ABCB5: variants seen among roughly 807,000 people sequenced by gnomAD.
ABCB5 encodes the protein ATP binding cassette subfamily B member 5.
In ABCB5, 155 loss-of-function variants were observed where a neutral mutation model predicts 144.2. The ratio of observed to expected loss-of-function variants is 1.08; its 90% CI spans 0.94 to 1.23. The LOEUF is 1.23. Among genes scored for constraint, ABCB5 ranks in the 50% most tolerant of loss-of-function variants. ABCB5 has a pLI of 0.00. For missense variants in ABCB5, 1,830 were observed against 1,520.8 expected (o/e 1.20, Z -3.38); for synonymous variants, 610 against 528.6 (o/e 1.15, Z -2.11).
intron 1 of ABCB5, among the ~76,000 whole-genome samples, chr7:20,622,980 T>G (rs1166106173): frequency 1.3e-5 from 2 of 152,276 alleles, no homozygotes; most frequent in Non-Finnish European, 2.9e-5. Flanking sequence ...ACAGTGCATT[T>G]TCCGTGGAAT....
chr7:20,622,172 G>A (rs1028271281), intron 1 of ABCB5, among the ~76,000 whole-genome samples: 2 of 152,104 alleles, frequency 1.3e-5, no homozygotes, highest in Non-Finnish European at 2.9e-5. Flanking sequence ...TTACCAAGGC[G>A]AGGCTTAATT....
intron 20 of ABCB5, among the ~76,000 whole-genome samples, chr7:20,715,274 G>C (rs1781632743): frequency 6.6e-6 from 1 of 152,172 alleles, no homozygotes; most frequent in Non-Finnish European, 1.5e-5. Flanking sequence ...TTGAACTCCT[G>C]ACCTCAGGTG....
rs189228389 is a variant in ABCB5 at position 20,740,001 on chromosome 7, G to T, written c.3024+862G>T. On this transcript the variant is annotated intron_variant, in intron 24 of 27. Coordinates refer to ENST00000404938, the MANE Select transcript of ABCB5 (RefSeq NM_001163941.2). ...AATCCCAGCACTTTGGGAGGCCGAG[G>T]TGGGTGGATCACGAGGTCAGGAGAT... Among the ~76,000 whole-genome samples, 1,084 of 152,252 alleles carry T rather than the reference G, an allele frequency of 7.1e-3. 15 individuals carry two copies. The highest frequency in any genetic ancestry group is 0.024 in the African/African-American group (1,005 of 41,534).
chr7:20,752,649 C>T (rs372889541), intron 26 of ABCB5, among the ~76,000 whole-genome samples: 52 of 152,278 alleles, frequency 3.4e-4, no homozygotes, highest in African/African-American at 1.2e-3. Flanking sequence ...GAATTCATGA[C>T]CAGCCTGGCC....
At chr7:20,734,265 G>A (rs1268665498) in intron 23 of ABCB5, among the ~76,000 whole-genome samples, 1 of 151,576 alleles carries the variant, frequency 6.6e-6, no homozygotes, top group Non-Finnish European at 1.5e-5. Context: ...CAATCTCATC[G>A]ACTAGCTAAA....
intron 20 of ABCB5, among the ~76,000 whole-genome samples, chr7:20,717,522 A>G (rs928986772): frequency 1.3e-5 from 2 of 149,310 alleles, no homozygotes; most frequent in Non-Finnish European, 3.0e-5. Context: ...GGCTCACTGC[A>G]ACCTCCGCCT....
chr7:20,687,438 A>C (rs777873430), intron 16 of ABCB5, among the ~76,000 whole-genome samples: 6 of 152,266 alleles, frequency 3.9e-5, no homozygotes, highest in Non-Finnish European at 7.3e-5. Context: ...TAGGCTCTAA[A>C]ACAGGAGGAA....
chr7:20,665,748 T>TAGAG (rs1053672156), intron 14 of ABCB5, among the ~76,000 whole-genome samples: 1 of 138,574 alleles, frequency 7.2e-6, no homozygotes, highest in African/African-American at 2.7e-5. Flanking sequence ...GATAGATAGA[T>TAGAG]AGATAGATAG....
At chr7:20,667,425 T>A in intron 14 of ABCB5, 1 of 985,626 alleles carries the variant, frequency 1.0e-6, no homozygotes, top group Non-Finnish European at 1.2e-6. Flanking sequence ...GAAGGATACA[T>A]GGAATTCTCA....
At chr7:20,661,540 C>T (rs113486963) in intron 14 of ABCB5, among the ~76,000 whole-genome samples, 13,245 of 138,718 alleles carry the variant, frequency 0.095, 802 homozygotes, top group South Asian at 0.17. Flanking sequence ...TTTTCTTTTT[C>T]TTTTTTTTTT....
Position 20,679,302 on chromosome 7 carries a change from T to C in ABCB5, c.1708-2203T>C, listed in dbSNP as rs564278932. ...GGCCAACATGGTAAAACCCCATCTC[T>C]GCTAAAAATACAAAAAATTAGCTGG... On this transcript the variant is annotated intron_variant, in intron 14 of 27. Coordinates refer to ENST00000404938, the MANE Select transcript of ABCB5 (RefSeq NM_001163941.2). Among the ~76,000 whole-genome samples, 462 of 151,874 alleles carry C rather than the reference T, an allele frequency of 3.0e-3. 1 individual carries two copies. The highest frequency in any genetic ancestry group is 6.8e-3 in the Middle Eastern group (2 of 292).
rs781695017 is a variant in ABCB5, at chr7:20,651,501, G to T, written c.1414G>T (p.Val472Phe). The T allele has an allele frequency of 6.2e-7, 1 of 1,614,112 alleles. No individual in the cohort carries two copies. The highest frequency in any genetic ancestry group is 1.1e-5 in the South Asian group (1 of 91,080). The change falls in exon 13 of 28, where the codon GTT (valine) becomes TTT (phenylalanine). Residue 472 changes from valine to phenylalanine, a missense_variant. Physicochemically the swap from Val to Phe is conservative, Grantham distance 50. Coordinates refer to ENST00000404938, the MANE Select transcript of ABCB5 (RefSeq NM_001163941.2). ...TATTGGAGTGGTTAGTCAAGAGCCT[G>T]TTTTGTTCGGGACCACCATCAGTAA... ...DHIGVVSQEP[V>F]LFGTTISNNI...
At chr7:20,716,251 A>G (rs928230719) in intron 20 of ABCB5, among the ~76,000 whole-genome samples, 2 of 152,212 alleles carry the variant, frequency 1.3e-5, no homozygotes, top group Non-Finnish European at 2.9e-5. Flanking sequence ...AGTGGAAATT[A>G]ATACATGTAT....
chr7:20,747,638 T>C (rs1482010804), intron 26 of ABCB5, among the ~76,000 whole-genome samples: 1 of 152,220 alleles, frequency 6.6e-6, no homozygotes, highest in African/African-American at 2.4e-5. Context: ...AACTATATGC[T>C]GCAAAAATCC....
At chr7:20,635,922 A>G (rs182194683) in intron 5 of ABCB5, among the ~76,000 whole-genome samples, 1 of 152,252 alleles carries the variant, frequency 6.6e-6, no homozygotes, top group Admixed American at 6.5e-5. Context: ...CTGACTATAA[A>G]TATGAATTGA....
intron 26 of ABCB5, among the ~76,000 whole-genome samples, chr7:20,745,734 G>A (rs532254108): frequency 1.4e-4 from 21 of 152,264 alleles, no homozygotes; most frequent in Admixed American, 7.8e-4. Context: ...TCCCCGCCAC[G>A]GCGGTAGCCT....
rs748481449 is a variant in ABCB5, at chr7:20,699,868, A to G, written c.2198A>G (p.Glu733Gly). 6.2e-7 allele frequency: 1 copy of G among 1,612,798 alleles called. No homozygotes were observed. The highest frequency in any genetic ancestry group is 8.5e-7 in the Non-Finnish European group (1 of 1,179,430). ...AAAACCACATTAAAGCATGATGCAG[A>G]AATTTATTCCATGATATTCGTCATT... ...NDKTTLKHDA[E>G]IYSMIFVILG... Residue 733 changes from glutamate (E) to glycine (G), a missense_variant, in exon 18 of 28, where the codon GAA (glutamate) becomes GGA (glycine). By Grantham distance (98) the Glu-to-Gly change is moderately conservative. Transcript: ENST00000404938.
chr7:20,688,155 T>G (rs1786064910), intron 16 of ABCB5, among the ~76,000 whole-genome samples: 1 of 152,004 alleles, frequency 6.6e-6, no homozygotes, highest in East Asian at 1.9e-4. Context: ...ATCATGCCAC[T>G]GCACTCCAGC....
At chr7:20,621,644 A>T (rs1783807799) in intron 1 of ABCB5, among the ~76,000 whole-genome samples, 1 of 152,146 alleles carries the variant, frequency 6.6e-6, no homozygotes, top group South Asian at 2.1e-4. Context: ...ATATGATCTA[A>T]TAGGGTAACT....
Sources: gnomAD v4.1 joint callset for allele counts (sites outside exome capture counted in the v4.1 genomes callset) on GRCh38, gnomAD v4.1.1 for gene constraint, MANE v1.5 for transcripts, NCBI Gene and HGNC (gene_info 2026-07-23, HGNC 2026-07-21) for gene names.